The following PSMC2 variants were observed in gnomAD, a reference collection of about 807,000 sequenced individuals.
The protein encoded by PSMC2 is 26S proteasome regulatory subunit 7.
Under a neutral mutation model 53.3 loss-of-function variants are expected in PSMC2, and 7 were observed. The observed-to-expected ratio is 0.13, with a 90% CI of 0.07 to 0.25. The LOEUF (loss-of-function observed/expected upper bound fraction) is 0.25. Among genes scored for constraint, PSMC2 ranks in the 10% least tolerant of loss-of-function variants. PSMC2 has a pLI of 1.00. For synonymous variants in PSMC2, 169 were observed against 183.9 expected (o/e 0.92, Z 0.66); for missense variants, 241 against 544.0 (o/e 0.44, Z 5.54).
intron 1 of PSMC2, chr7:103,352,943 G>C (rs1819807183): frequency 2.6e-6 from 2 of 780,650 alleles, no homozygotes; most frequent in Non-Finnish European, 4.8e-6. Flanking sequence ...CAAGAGGGTA[G>C]AGTGACTTGT....
intron 1 of PSMC2, among the ~76,000 whole-genome samples, chr7:103,351,204 A>C (rs1386107812): frequency 6.6e-6 from 1 of 152,202 alleles, no homozygotes; most frequent in East Asian, 1.9e-4. Flanking sequence ...CCTCAGGCTC[A>C]GTAATTTGCT....
rs187281147 is a variant in PSMC2, at chr7:103,349,334, C to T, written c.70+1553C>T. 3.3e-5 allele frequency among the ~76,000 whole-genome samples: 5 copies of T among 152,232 alleles called. No individual in the cohort carries two copies. In the East Asian group the frequency reaches 9.6e-4, roughly 29 times the overall value. ...ACAGAGATTTATCATTTGATCTGTG[C>T]ACAGTGATCTGTGTGTTTCTCTGGG... On this transcript the variant is annotated intron_variant, in intron 1 of 11. Transcript: ENST00000292644.
intron 1 of PSMC2, chr7:103,348,761 A>G (rs1205626158): frequency 2.0e-5 from 22 of 1,090,844 alleles, no homozygotes; most frequent in Admixed American, 5.1e-5. Context: ...GGTTTCATTA[A>G]GTTGGACTAA....
At chr7:103,348,030 A>G (rs1819643350) in intron 1 of PSMC2, among the ~76,000 whole-genome samples, 1 of 152,158 alleles carries the variant, frequency 6.6e-6, no homozygotes, top group African/African-American at 2.4e-5. Context: ...TGAAGAAGTC[A>G]CGCACCCTGC....
intron 5 of PSMC2, chr7:103,362,336 A>C (rs1017794161): frequency 6.6e-6 from 9 of 1,363,758 alleles, no homozygotes; most frequent in Non-Finnish European, 7.5e-6. Context: ...TGAGGTTACC[A>C]GTCCATTTAA....
rs548394882 is a variant in PSMC2 at position 103,355,465 on chromosome 7, A to G, written c.191-229A>G. On this transcript the variant is annotated intron_variant, in intron 3 of 11. Coordinates refer to ENST00000292644, the MANE Select transcript of PSMC2 (RefSeq NM_002803.4). Reference sequence around the variant, plus strand: ...ACCCTCCCAACCCCTCCCAGAGGACACTGGGCAATGTCTGGAGACATCCTT... The same window carrying G: ...ACCCTCCCAACCCCTCCCAGAGGACGCTGGGCAATGTCTGGAGACATCCTT... Among the ~76,000 whole-genome samples, 194 of 141,362 alleles carry G rather than the reference A, an allele frequency of 1.4e-3. 2 individuals are homozygous for G. Among genetic ancestry groups the G allele is most frequent in the Non-Finnish European group, 2.2e-3 (146 of 64,992 alleles). The allele number at this position is 141,362 out of a possible 152,430, so 92.7% of individuals were successfully genotyped here.
intron 3 of PSMC2, among the ~76,000 whole-genome samples, chr7:103,355,316 G>A (rs1453863436): frequency 6.6e-6 from 1 of 152,166 alleles, no homozygotes; most frequent in African/African-American, 2.4e-5. Flanking sequence ...TTTTTGGGGG[G>A]AACTTGAATG....
intron 7 of PSMC2, 138 bp downstream of exon 7, chr7:103,363,577 G>A: frequency 1.4e-6 from 1 of 735,680 alleles, no homozygotes; most frequent in East Asian, 2.7e-5. Flanking sequence ...GAGAGAGGAG[G>A]TGTGGAGAGT....
In PSMC2 at chr7:103,347,685, G is replaced by A. The variant is rs761700030; in HGVS notation, c.-27G>A. ...AAGGAAGGTGCTGTGTAATCATTAA[G>A]GAGCGGAGGCTTTTGGAGCTGCTAA... On this transcript the variant is annotated 5_prime_UTR_variant, in exon 1 of 12. Coordinates refer to ENST00000292644, the MANE Select transcript of PSMC2 (RefSeq NM_002803.4). The A allele has an allele frequency of 1.2e-6, 2 of 1,613,476 alleles. No homozygotes were observed. The highest frequency in any genetic ancestry group is 2.7e-5 in the African/African-American group (2 of 74,896).
chr7:103,365,333 TA>T (rs34723912), intron 8 of PSMC2, among the ~76,000 whole-genome samples: 16 of 152,146 alleles, frequency 1.1e-4, no homozygotes, highest in African/African-American at 3.9e-4. Context: ...CAGTCTTTTT[TA>T]AAAAAAGTTT....
rs538262341 is a variant in PSMC2, at chr7:103,363,766, G to C, written c.591+327G>C. Among the ~76,000 whole-genome samples, 40 of 152,260 alleles carry C rather than the reference G, an allele frequency of 2.6e-4. 1 individual carries two copies. The South Asian group carries it at 8.1e-3, about 31-fold the overall frequency. ...TTCAAAAGACATCGAGAAGAAAGGG[G>C]CTTAAATTGAAGCAGGTTAAACTTG... On this transcript the variant is annotated intron_variant, in intron 7 of 11. Coordinates refer to ENST00000292644, the MANE Select transcript of PSMC2 (RefSeq NM_002803.4).
intron 1 of PSMC2, among the ~76,000 whole-genome samples, chr7:103,348,292 A>G (rs2116108182): frequency 6.6e-6 from 1 of 152,374 alleles, no homozygotes; most frequent in South Asian, 2.1e-4. Flanking sequence ...CACAGAGGCA[A>G]CTAATGTTGC....
Position 103,368,120 on chromosome 7 carries a change from C to T in PSMC2, c.*66C>T. 1 of 1,377,526 alleles carries T rather than the reference C, an allele frequency of 7.3e-7. No individual in the cohort carries two copies. Among genetic ancestry groups the T allele is most frequent in the Non-Finnish European group, 9.8e-7 (1 of 1,018,420 alleles). The allele number at this position is 1,377,526 out of a possible 1,614,324, so 85.3% of individuals were successfully genotyped here. The stretch of plus-strand genomic sequence containing the variant: ...TAACCTTATATAGACTTGTTAATAA[C>T]CAATTCATAAACAAATAAATGGCTT... On this transcript the variant is annotated 3_prime_UTR_variant, in exon 12 of 12. Coordinates refer to ENST00000292644, the MANE Select transcript of PSMC2 (RefSeq NM_002803.4).
intron 7 of PSMC2, 144 bp from the exon 8 acceptor site, chr7:103,363,999 T>C: frequency 1.3e-6 from 1 of 754,990 alleles, no homozygotes; most frequent in Non-Finnish European, 2.1e-6. Context: ...GTATGTATAT[T>C]GTGGACTTAA....
Position 103,355,675 on chromosome 7 carries a change from G to T in PSMC2, c.191-19G>T, listed in dbSNP as rs761187255. ...GATGCATTACATTTTAGTAAATTTT[G>T]TCATCTTTCTCTATGTAGGTATTAA... On this transcript the variant is annotated intron_variant, in intron 3 of 11. Coordinates refer to ENST00000292644, the MANE Select transcript of PSMC2 (RefSeq NM_002803.4). The T allele has an allele frequency of 1.9e-6, 3 of 1,584,590 alleles. No homozygotes were observed. Among genetic ancestry groups the T allele is most frequent in the Admixed American group, 1.7e-5 (1 of 59,818 alleles).
chr7:103,366,522 C>T (rs1450917333), intron 9 of PSMC2, among the ~76,000 whole-genome samples: 2 of 152,202 alleles, frequency 1.3e-5, no homozygotes, highest in Non-Finnish European at 2.9e-5. Context: ...TAAAGTGCTC[C>T]AATGAGTATT....
Position 103,352,745 on chromosome 7 carries a change from C to T in PSMC2, c.71-1176C>T, listed in dbSNP as rs1290929310. 1.2e-5 allele frequency: 9 copies of T among 734,846 alleles called. No individual in the cohort carries two copies. The Admixed American group carries it at 1.6e-4, about 13-fold the overall frequency. 45.5% of individuals were successfully genotyped at this position (734,846 alleles called of 1,614,324 possible). A position where few individuals can be genotyped will look rare whatever the true frequency, so the allele number is the denominator to read the frequency against. On this transcript the variant is annotated intron_variant, in intron 1 of 11. Coordinates refer to ENST00000292644, the MANE Select transcript of PSMC2 (RefSeq NM_002803.4). The stretch of plus-strand genomic sequence containing the variant: ...ACTCATCCTGGTAGATTCATTTTTT[C>T]TTTATTTCACAAAAGAGAAAACAAA...
At chr7:103,353,996 A>T in intron 2 of PSMC2, 38 bp downstream of exon 2, 1 of 1,472,666 alleles carries the variant, frequency 6.8e-7, no homozygotes, top group Non-Finnish European at 9.2e-7. Flanking sequence ...TAGATGTTTT[A>T]TGTTGAAATA....
At position 103,363,328 on chromosome 7, in the gene PSMC2, T is replaced by A; in HGVS notation, c.496-16T>A. On this transcript the variant is annotated splice_polypyrimidine_tract_variant and intron_variant, in intron 6 of 11. Coordinates refer to ENST00000292644, the MANE Select transcript of PSMC2 (RefSeq NM_002803.4). ...AGCCTGTGACTGTATGTTGTACATT[T>A]CTGTCCCTCTCTTAGGTGGAAGAGA... 1 of 1,589,242 alleles carries A rather than the reference T, an allele frequency of 6.3e-7. No individual in the cohort carries two copies. The highest frequency in any genetic ancestry group is 8.6e-7 in the Non-Finnish European group (1 of 1,157,342).
Sources: gnomAD v4.1 joint callset for allele counts (sites outside exome capture counted in the v4.1 genomes callset) on GRCh38, gnomAD v4.1.1 for gene constraint, MANE v1.5 for transcripts, NCBI Gene and HGNC (gene_info 2026-07-23, HGNC 2026-07-21) for gene names.